The following ST8SIA5 variants were observed in gnomAD, a reference collection of about 807,000 sequenced individuals.
The protein encoded by ST8SIA5 is ST8 alpha-N-acetyl-neuraminide alpha-2,8-sialyltransferase 5, also known as alpha-2,8-sialyltransferase 8E.
Under a neutral mutation model 40.2 loss-of-function variants are expected in ST8SIA5, and 24 were observed. The observed-to-expected ratio is 0.60, with a 90% CI of 0.43 to 0.84. The LOEUF is 0.84. Among genes scored for constraint, ST8SIA5 ranks in the 40% least tolerant of loss-of-function variants. The pLI, the probability that ST8SIA5 is intolerant of heterozygous loss-of-function variation, is 0.00. For synonymous variants in ST8SIA5, 198 were observed against 201.8 expected (o/e 0.98, Z 0.16); for missense variants, 465 against 498.5 (o/e 0.93, Z 0.64).
chr18:46,701,831 G>A (rs1055295589), intron 2 of ST8SIA5, among the ~76,000 whole-genome samples: 1 of 152,162 alleles, frequency 6.6e-6, no homozygotes, highest in Admixed American at 6.5e-5. Flanking sequence ...GAACCATGAA[G>A]AAACTATACA....
chr18:46,749,734 G>C (rs757313850), intron 1 of ST8SIA5, among the ~76,000 whole-genome samples: 5 of 152,106 alleles, frequency 3.3e-5, no homozygotes, highest in Non-Finnish European at 5.9e-5. Flanking sequence ...AAACTATATA[G>C]CTAGACATGA....
At chr18:46,682,199 TAGCC>T (rs2039404255) in intron 5 of ST8SIA5, 135 bp from the exon 6 acceptor site, 1 of 632,358 alleles carries the variant, frequency 1.6e-6, no homozygotes, top group Non-Finnish European at 2.7e-6. Flanking sequence ...AGGTTCTCTG[TAGCC>T]AGGTGATAAG....
intron 1 of ST8SIA5, among the ~76,000 whole-genome samples, chr18:46,724,743 G>T (rs2039897047): frequency 1.3e-5 from 2 of 152,252 alleles, no homozygotes; most frequent in African/African-American, 4.8e-5. Flanking sequence ...GGAAACCGAG[G>T]TGGGTGGATC....
chr18:46,672,742 T>A lies in ST8SIA5; in HGVS notation c.*7300A>T, dbSNP rs1404112185. 1.3e-5 allele frequency: 2 copies of A among 152,226 alleles called. No homozygotes were observed. The highest frequency in any genetic ancestry group is 2.9e-5 in the Non-Finnish European group (2 of 68,098). 9.4% of individuals were successfully genotyped at this position (152,226 alleles called of 1,614,324 possible). On this transcript the variant is annotated 3_prime_UTR_variant, in exon 7 of 7. Transcript: ENST00000315087. ...GCTGGCCAGGACAGTGGAGCCCAGG[T>A]GGCAGAGCAAGGCCAGGTCTGCACT... is the stretch of plus-strand genomic sequence containing the variant.
At chr18:46,710,177 G>A (rs2039708530) in intron 1 of ST8SIA5, among the ~76,000 whole-genome samples, 1 of 152,146 alleles carries the variant, frequency 6.6e-6, no homozygotes, top group South Asian at 2.1e-4. Context: ...TGATGCTGGT[G>A]CCAGGCTGCA....
At chr18:46,688,642 C>CA in intron 4 of ST8SIA5, 133 bp downstream of exon 4, 1 of 1,199,202 alleles carries the variant, frequency 8.3e-7, no homozygotes. Context: ...GACAACTGGT[C>CA]AACCAGGACC....
At chr18:46,725,970 AAAATAT>A (rs1382097846) in intron 1 of ST8SIA5, among the ~76,000 whole-genome samples, 1 of 31,810 alleles carries the variant, frequency 3.1e-5, no homozygotes, top group African/African-American at 1.5e-4. Flanking sequence ...AAAAAAAAAA[AAAATAT>A]ATATATATAT....
At chr18:46,689,730 T>C (rs1224256133) in intron 3 of ST8SIA5, among the ~76,000 whole-genome samples, 1 of 149,266 alleles carries the variant, frequency 6.7e-6, no homozygotes, top group Non-Finnish European at 1.5e-5. Flanking sequence ...AGCACCACCA[T>C]GCCTGGCTAA....
chr18:46,686,141 T>A (rs370102139), intron 5 of ST8SIA5, 33 bp downstream of exon 5: 31 of 1,592,268 alleles, frequency 1.9e-5, no homozygotes, highest in Non-Finnish European at 2.7e-5. Flanking sequence ...GGCCATGGGG[T>A]AGTGGCAAGG....
At chr18:46,748,728 C>CAA (rs33959869) in intron 1 of ST8SIA5, among the ~76,000 whole-genome samples, 57,686 of 149,804 alleles carry the variant, frequency 0.39, 11,921 homozygotes, top group Middle Eastern at 0.48. Flanking sequence ...GGCTATAATC[C>CAA]AAAAAAAAAG....
chr18:46,706,737 T>A (rs2039673904), intron 1 of ST8SIA5, among the ~76,000 whole-genome samples: 1 of 152,156 alleles, frequency 6.6e-6, no homozygotes, highest in Non-Finnish European at 1.5e-5. Context: ...GTTAGAAGCA[T>A]TTGCATGAGA....
At position 46,679,944 on chromosome 18, in the gene ST8SIA5, G is replaced by A. The variant is rs1568246280; in HGVS notation, c.*98C>T. 8.5e-7 allele frequency: 1 copy of A among 1,173,562 alleles called. No individual in the cohort carries two copies. Among genetic ancestry groups the A allele is most frequent in the South Asian group, 1.5e-5 (1 of 65,168 alleles). The allele number at this position is 1,173,562 out of a possible 1,614,324, so 72.7% of individuals were successfully genotyped here. On this transcript the variant is annotated 3_prime_UTR_variant, in exon 7 of 7. Transcript: ENST00000315087. ...CAATGGAGGGAGAGACAGCCTGAAC[G>A]CCAGGACCCCACGCTGCCCGGTTCG... is the stretch of plus-strand genomic sequence containing the variant.
chr18:46,708,838 T>C (rs1222436576), intron 1 of ST8SIA5, among the ~76,000 whole-genome samples: 1 of 152,158 alleles, frequency 6.6e-6, no homozygotes, highest in Non-Finnish European at 1.5e-5. Context: ...TCTGTGAGTA[T>C]CAAAACCTCT....
intron 1 of ST8SIA5, chr18:46,721,384 T>C: frequency 6.5e-7 from 1 of 1,536,134 alleles, no homozygotes; most frequent in East Asian, 2.4e-5. Context: ...TCACTGCCGC[T>C]CTGCACTGCT....
In ST8SIA5 at chr18:46,673,751, T is replaced by G. The variant is rs1322539999; in HGVS notation, c.*6291A>C. Reference sequence around the variant, plus strand: ...CTGTAGATCTATCCAGTCTACCCTTTGAAGATCACACTGGTTTATTAGGAT... The same window carrying G: ...CTGTAGATCTATCCAGTCTACCCTTGGAAGATCACACTGGTTTATTAGGAT... On this transcript the variant is annotated 3_prime_UTR_variant, in exon 7 of 7. Transcript: ENST00000315087. 3 of 152,240 alleles carry G rather than the reference T, an allele frequency of 2.0e-5. No homozygotes were observed. The highest frequency in any genetic ancestry group is 7.2e-5 in the African/African-American group (3 of 41,532). The allele number at this position is 152,240 out of a possible 1,614,324, so 9.4% of individuals were successfully genotyped here.
intron 1 of ST8SIA5, among the ~76,000 whole-genome samples, chr18:46,729,208 C>T (rs557383403): frequency 6.6e-6 from 1 of 152,198 alleles, no homozygotes; most frequent in African/African-American, 2.4e-5. Flanking sequence ...CCCCCTACAC[C>T]TTCTCATCCT....
chr18:46,682,194 C>G, intron 5 of ST8SIA5, 130 bp from the exon 6 acceptor site: 1 of 648,700 alleles, frequency 1.5e-6, no homozygotes, highest in Non-Finnish European at 2.6e-6. Flanking sequence ...TAGGCAGGTT[C>G]TCTGTAGCCA....
intron 1 of ST8SIA5, among the ~76,000 whole-genome samples, chr18:46,747,255 A>C (rs1447206265): frequency 1.3e-5 from 2 of 152,214 alleles, no homozygotes; most frequent in Admixed American, 1.3e-4. Context: ...CTGCATGGCA[A>C]AATAAACTAC....
At position 46,680,182 on chromosome 18, in the gene ST8SIA5, G is replaced by C. The variant is rs1176541671; in HGVS notation, c.991C>G (p.Leu331Val). 3.7e-6 allele frequency: 6 copies of C among 1,614,118 alleles called. No homozygotes were observed. The highest frequency in any genetic ancestry group is 3.3e-5 in the Admixed American group (2 of 60,016). Reference protein sequence around the residue: ...FWAFPMNPSGLYITHHYYDNV... With the variant: ...FWAFPMNPSGVYITHHYYDNV... ...TCATAGTAGTGGTGAGTGATGTAGA[G>C]GCCCGAGGGGTTCATGGGGAAGGCC... The change falls in exon 7 of 7, where the codon CTC becomes GTC. Residue 331 changes from leucine (L) to valine (V), a missense_variant. Leu to Val is a conservative substitution (Grantham distance 32, BLOSUM62 1). Transcript: ENST00000315087.
Sources: allele counts gnomAD v4.1 joint callset (sites outside exome capture counted in the v4.1 genomes callset), GRCh38; gene constraint gnomAD v4.1.1; transcripts MANE v1.5; gene names NCBI Gene and HGNC (gene_info 2026-07-23, HGNC 2026-07-21).